The following PFKFB4 variants were observed in gnomAD, a reference collection of about 807,000 sequenced individuals.
PFKFB4 encodes 6-phosphofructo-2-kinase/fructose-2,6-bisphosphatase 4.
A neutral mutation model predicts 62.8 loss-of-function variants in PFKFB4; 42 were observed. The observed-to-expected ratio is 0.67, with a 90% CI of 0.52 to 0.86. PFKFB4 has a LOEUF of 0.86. Ranked by LOEUF, PFKFB4 falls within the 40% of genes least tolerant of loss-of-function variation. PFKFB4 has a pLI of 0.00. For missense variants in PFKFB4, 475 were observed against 627.2 expected, an observed-to-expected ratio of 0.76 and a Z score of 2.59; for synonymous variants, 204 against 240.7, an observed-to-expected ratio of 0.85 and a Z score of 1.41.
At chr3:48,547,418 T>C (rs543995667) in intron 3 of PFKFB4, among the ~76,000 whole-genome samples, 1 of 152,174 alleles carries the variant, frequency 6.6e-6, no homozygotes, top group African/African-American at 2.4e-5. Context: ...GTGTGTGGTA[T>C]AGGACTGTGT....
Position 48,550,287 on chromosome 3 carries a change from C to T in PFKFB4, c.98-53G>A, listed in dbSNP as rs1366921160. 3 of 1,159,296 alleles carry T rather than the reference C, an allele frequency of 2.6e-6. No homozygotes were observed. In the East Asian group the frequency reaches 7.0e-5, roughly 27 times the overall value. 71.8% of individuals were successfully genotyped at this position (1,159,296 alleles called of 1,614,324 possible). The stretch of plus-strand genomic sequence containing the variant: ...TGAGGGCTGGGACCCTCCCAGCGCA[C>T]CCCTCCCTCTCAGCCTGTGGTCTCT... On this transcript the variant is annotated intron_variant, in intron 1 of 13. Transcript: ENST00000232375.
rs2107441768 is a variant in PFKFB4 at position 48,521,061 on chromosome 3, C to T, written c.1350+925G>A. 1.3e-5 allele frequency among the ~76,000 whole-genome samples: 2 copies of T among 152,332 alleles called. No homozygotes were observed. Among genetic ancestry groups the T allele is most frequent in the South Asian group, 4.1e-4 (2 of 4,826 alleles). ...ATGGGAAGAGAGGCCTGCAGGGTAACTGGTCCTGCTTGGGGGCAGTGGTGT... is the reference window on the plus strand; with the variant it reads ...ATGGGAAGAGAGGCCTGCAGGGTAATTGGTCCTGCTTGGGGGCAGTGGTGT... On this transcript the variant is annotated intron_variant, in intron 13 of 13. Transcript: ENST00000232375. This position sits in a 1 kb window ranked among gnomAD's most constrained non-coding sequence, Gnocchi z 5.3.
upstream of PFKFB4, chr3:48,562,636 C>T (rs2043449875): frequency 1.4e-6 from 1 of 733,330 alleles, no homozygotes; most frequent in African/African-American, 1.8e-5. The surrounding 1 kb of genome is among the most constrained non-coding windows in gnomAD (Gnocchi z 4.3). Context: ...ACAGTGGCTC[C>T]ATGTGGCAGT....
intron 9 of PFKFB4, among the ~76,000 whole-genome samples, chr3:48,532,165 C>G (rs538632794): frequency 6.6e-6 from 1 of 152,222 alleles, no homozygotes; most frequent in Non-Finnish European, 1.5e-5. Flanking sequence ...AAAAAATTAG[C>G]TAGGCATCGT....
In PFKFB4 at chr3:48,535,603, A is replaced by T. The variant is rs1025045425; in HGVS notation, c.896T>A (p.Val299Asp). The change falls in exon 9 of 14, where the codon GTC becomes GAC. Residue 299 changes from valine to aspartate, a missense_variant. Coordinates refer to ENST00000232375, the MANE Select transcript of PFKFB4 (RefSeq NM_004567.4). ...ISDQNIKDLK[V>D]WTSQMKRTIQ... is the part of the protein sequence containing the mutation. ...TGTCCTCTTCATCTGGCTTGTCCAG[A>T]CCTTCAGATCCTTGATATTTTGGTC... 50 of 1,613,896 alleles carry T rather than the reference A, an allele frequency of 3.1e-5. No individual in the cohort carries two copies. The highest frequency in any genetic ancestry group is 3.8e-5 in the Non-Finnish European group (45 of 1,179,970).
chr3:48,544,724 G>A (rs1443301750), intron 3 of PFKFB4, among the ~76,000 whole-genome samples: 1 of 143,858 alleles, frequency 7.0e-6, no homozygotes, highest in African/African-American at 2.9e-5. Context: ...GACACAGAAG[G>A]TTTGTTTTTT....
chr3:48,558,082 G>T (rs2043373411), upstream of PFKFB4, among the ~76,000 whole-genome samples: 1 of 152,104 alleles, frequency 6.6e-6, no homozygotes, highest in South Asian at 2.1e-4. Flanking sequence ...CAATCTCTAA[G>T]AAATTCATTT....
chr3:48,558,033 TTGTC>T (rs1190661742), upstream of PFKFB4, among the ~76,000 whole-genome samples: 1 of 152,198 alleles, frequency 6.6e-6, no homozygotes, highest in Non-Finnish European at 1.5e-5. Flanking sequence ...GATGTGCACA[TTGTC>T]TATCTTACAG....
In PFKFB4 at chr3:48,549,844, C is replaced by CA; in HGVS notation, c.311+19dup. ...GGTCCCCCAGCAACCTCTCCCCCCA[C>CA]ACCCAACACATATACTTACTTCCTG... On this transcript the variant is annotated intron_variant, in intron 3 of 13. Coordinates refer to ENST00000232375, the MANE Select transcript of PFKFB4 (RefSeq NM_004567.4). 6.8e-7 allele frequency: 1 copy of CA among 1,479,190 alleles called. No individual in the cohort carries two copies. Among genetic ancestry groups the CA allele is most frequent in the Non-Finnish European group, 9.5e-7 (1 of 1,056,946 alleles). 91.6% of individuals were successfully genotyped at this position (1,479,190 alleles called of 1,614,324 possible). A position where few individuals can be genotyped will look rare whatever the true frequency, so the allele number is the denominator to read the frequency against.
Position 48,539,675 on chromosome 3 carries a change from A to G in PFKFB4, c.453+22T>C, listed in dbSNP as rs900382112. On this transcript the variant is annotated intron_variant, in intron 5 of 13. Coordinates refer to ENST00000232375, the MANE Select transcript of PFKFB4 (RefSeq NM_004567.4). ...GGGACATGCCACAGTTCCGCCAAGG[A>G]GAGGAGCCAAGGAGGCCTCACCTTG... is the stretch of plus-strand genomic sequence containing the variant. 5.0e-6 allele frequency: 8 copies of G among 1,596,400 alleles called. No homozygotes were observed. The South Asian group carries it at 8.8e-5, about 18-fold the overall frequency.
upstream of PFKFB4, chr3:48,559,898 CCACACA>C (rs34826551): frequency 0.085 from 16,330 of 191,460 alleles, 933 homozygotes; most frequent in African/African-American, 0.093. Context: ...AACCATCCCA[CCACACA>C]CACACACACA....
At chr3:48,559,898 C>A (rs892701003), upstream of PFKFB4, 12 of 191,644 alleles carry the variant, frequency 6.3e-5, no homozygotes, top group Non-Finnish European at 1.1e-4. Flanking sequence ...AACCATCCCA[C>A]CACACACACA....
Position 48,536,319 on chromosome 3 carries a change from C to T in PFKFB4, c.777G>A (p.Glu259=), listed in dbSNP as rs200873551. 2.1e-5 allele frequency: 34 copies of T among 1,614,236 alleles called. 1 individual carries two copies. In the East Asian group the frequency reaches 7.1e-4, roughly 34 times the overall value. Residue 259 remains glutamate, a synonymous_variant, in exon 8 of 14, where the codon GAG becomes GAA. Coordinates refer to ENST00000232375, the MANE Select transcript of PFKFB4 (RefSeq NM_004567.4). The part of the protein sequence containing the change: ...PRSIYLCRHG[E]SELNLKGRIG... ...TCCGGCCCTTGAGGTTGAGCTCGCT[C>T]TCCCCGTGCCGGCAGAGGTAGATGG...
chr3:48,559,898 C>CCACACACACACACA (rs34826551), upstream of PFKFB4: 202 of 191,734 alleles, frequency 1.1e-3, 1 homozygote, highest in Non-Finnish European at 1.4e-3. Flanking sequence ...AACCATCCCA[C>CCACACACACACACA]CACACACACA....
chr3:48,544,798 A>G (rs2042913342), intron 3 of PFKFB4, among the ~76,000 whole-genome samples: 1 of 151,504 alleles, frequency 6.6e-6, no homozygotes, highest in Non-Finnish European at 1.5e-5. Flanking sequence ...ATCTCAGCTC[A>G]CTGTAACCTC....
upstream of PFKFB4, among the ~76,000 whole-genome samples, chr3:48,560,707 C>G (rs1252089335): frequency 6.6e-6 from 1 of 152,230 alleles, no homozygotes. Context: ...AAATGAGCCT[C>G]TAGACTTCCC....
chr3:48,543,514 C>T (rs753038553), intron 4 of PFKFB4, 66 bp downstream of exon 4: 2 of 1,433,652 alleles, frequency 1.4e-6, no homozygotes, highest in Admixed American at 1.9e-5. Context: ...GCCTGACGAG[C>T]AAAGGCACAG....
chr3:48,533,037 T>C (rs964685428), intron 9 of PFKFB4, among the ~76,000 whole-genome samples: 1 of 152,210 alleles, frequency 6.6e-6, no homozygotes, highest in Admixed American at 6.5e-5. Flanking sequence ...GTTATTGTTT[T>C]TCTTTTTAAA....
upstream of PFKFB4, chr3:48,561,143 G>GC: frequency 3.2e-6 from 4 of 1,242,780 alleles, no homozygotes; most frequent in Middle Eastern, 2.2e-4. This position sits in a 1 kb window ranked among gnomAD's most constrained non-coding sequence, Gnocchi z 5.2. Context: ...CAGGGCCACT[G>GC]CCCCCTGCAG....
Sources: gnomAD v4.1 joint callset for allele counts (sites outside exome capture counted in the v4.1 genomes callset) on GRCh38, gnomAD v4.1.1 for gene constraint, Gnocchi (gnomAD v3.1) non-coding constraint, MANE v1.5 for transcripts, NCBI Gene and HGNC (gene_info 2026-07-23, HGNC 2026-07-21) for gene names.